The following ZNF707 variants were observed in gnomAD, a reference collection of about 807,000 sequenced individuals.
ZNF707 encodes the protein zinc finger protein 707.
In ZNF707, 8 loss-of-function variants were observed where a neutral mutation model predicts 13.3. The ratio of observed to expected loss-of-function variants is 0.60; its 90% confidence interval spans 0.35 to 1.09. The LOEUF (loss-of-function observed/expected upper bound fraction) is 1.09, where lower values mean the gene tolerates loss of function less well. ZNF707 is among the 50% of genes least tolerant of loss of function. The pLI, the probability that ZNF707 is intolerant of heterozygous loss-of-function variation, is 0.02. For synonymous variants in ZNF707, 225 were observed against 205.6 expected, an observed-to-expected ratio of 1.09 and a Z score of -0.81; for missense variants, 530 against 512.6, an observed-to-expected ratio of 1.03 and a Z score of -0.33.
chr8:143,690,274 A>G, intron 3 of ZNF707, 151 bp downstream of exon 3: 1 of 1,027,352 alleles, frequency 9.7e-7, no homozygotes, highest in Non-Finnish European at 1.4e-6. Flanking sequence ...GGGTGGGGAA[A>G]GAAAAAGAAA....
At chr8:143,692,904 G>C (rs1186251826) in intron 5 of ZNF707, among the ~76,000 whole-genome samples, 1 of 151,852 alleles carries the variant, frequency 6.6e-6, no homozygotes, top group Non-Finnish European at 1.5e-5. Context: ...TGGAGCCCCC[G>C]GCTGAAGGGA....
rs1431063855 is a variant in ZNF707 at position 143,693,116 on chromosome 8, G to A, written c.257-555G>A. On this transcript the variant is annotated intron_variant, in intron 5 of 5. Transcript: ENST00000358656. The surrounding 1 kb of genome is among the most constrained non-coding windows in gnomAD (Gnocchi z 4.1). ...ACGTCAGCAGTGCCGGGTGGCCTGCGTACCACCGGGGCTGGGGAAGCATCT... is the reference window on the plus strand; with the variant it reads ...ACGTCAGCAGTGCCGGGTGGCCTGCATACCACCGGGGCTGGGGAAGCATCT... Among the ~76,000 whole-genome samples the A allele has an allele frequency of 2.6e-5, 4 of 152,114 alleles. No individual in the cohort carries two copies. Among genetic ancestry groups the A allele is most frequent in the South Asian group, 2.1e-4 (1 of 4,824 alleles).
intron 3 of ZNF707, chr8:143,690,784 T>C: frequency 2.1e-6 from 1 of 465,846 alleles, no homozygotes; most frequent in Non-Finnish European, 3.8e-6. Context: ...TTGTGCTGTG[T>C]TCACGCGTGT....
intron 3 of ZNF707, chr8:143,690,511 C>G (rs1816707804): frequency 4.4e-6 from 1 of 229,228 alleles, no homozygotes; most frequent in Non-Finnish European, 8.5e-6. Context: ...TGCAGTGAGC[C>G]AAGATCGTGC....
At chr8:143,689,460 T>C (rs4875038) in intron 2 of ZNF707, among the ~76,000 whole-genome samples, 159 bp downstream of exon 2, 145,918 of 152,238 alleles carry the variant, frequency 0.96, 70,207 homozygotes, top group East Asian at 1. Flanking sequence ...GGTGGTTCTC[T>C]ACAGACCTGG....
rs1816772106 is a variant in ZNF707, at chr8:143,691,155, A to G, written c.98A>G (p.Tyr33Cys). The G allele has an allele frequency of 6.2e-7, 1 of 1,613,730 alleles. No homozygotes were observed. The highest frequency in any genetic ancestry group is 8.5e-7 in the Non-Finnish European group (1 of 1,179,768). ...ACLEPSQRAL[Y>C]RDVMLDNFSS... ...CTGGAACCCAGCCAGAGGGCCCTCT[A>G]CCGGGACGTGATGCTGGACAACTTC... is the stretch of plus-strand genomic sequence containing the variant. Residue 33 changes from tyrosine (Y) to cysteine (C), a missense_variant, in exon 4 of 6, where the codon TAC (tyrosine) becomes TGC (cysteine). By Grantham distance (194) the Tyr-to-Cys change is radical. Coordinates refer to ENST00000358656, the MANE Select transcript of ZNF707 (RefSeq NM_001100598.2).
intron 1 of ZNF707, chr8:143,684,969 C>T (rs1214000631): frequency 6.6e-6 from 1 of 152,328 alleles, no homozygotes; most frequent in African/African-American, 2.4e-5. Context: ...ACACCCCACC[C>T]TCTGGTCCTC....
rs782101534 is a variant in ZNF707, at chr8:143,694,447, G to A, written c.1033G>A (p.Glu345Lys). The change falls in exon 6 of 6, where the codon GAG becomes AAG. Residue 345 changes from glutamate (E) to lysine (K), a missense_variant. Coordinates refer to ENST00000358656, the MANE Select transcript of ZNF707 (RefSeq NM_001100598.2). This position sits in a 1 kb window ranked among gnomAD's most constrained non-coding sequence, Gnocchi z 4.4. Reference protein sequence around the residue: ...RRLHLTKRFYECGHCGKGFRH... With the variant: ...RRLHLTKRFYKCGHCGKGFRH... The stretch of plus-strand genomic sequence containing the variant: ...GCTGCACCTGACGAAGAGGTTCTAC[G>A]AGTGCGGCCACTGTGGGAAAGGCTT... 17 of 1,612,146 alleles carry A rather than the reference G, an allele frequency of 1.1e-5. No homozygotes were observed. In the South Asian group the frequency reaches 1.3e-4, roughly 13 times the overall value.
chr8:143,684,682 C>T (rs1481310992), intron 1 of ZNF707, 140 bp downstream of exon 1: 4 of 152,412 alleles, frequency 2.6e-5, no homozygotes, highest in Non-Finnish European at 5.9e-5. Flanking sequence ...CCCGTGCCCT[C>T]GGCTATTCGG....
Position 143,694,315 on chromosome 8 carries a change from G to A in ZNF707, c.901G>A (p.Glu301Lys), listed in dbSNP as rs782099056. The A allele has an allele frequency of 6.2e-7, 1 of 1,602,404 alleles. No individual in the cohort carries two copies. Among genetic ancestry groups the A allele is most frequent in the South Asian group, 1.1e-5 (1 of 90,462 alleles). Residue 301 changes from glutamate (E) to lysine (K), a missense_variant, in exon 6 of 6, where the codon GAG (glutamate) becomes AAG (lysine). By Grantham distance (56) the Glu-to-Lys change is moderately conservative (BLOSUM62 1). Transcript: ENST00000358656. This position sits in a 1 kb window ranked among gnomAD's most constrained non-coding sequence, Gnocchi z 4.4. ...ADCGKAFRTKENLSHHQRVHS... is the reference protein window; with the variant it reads ...ADCGKAFRTKKNLSHHQRVHS... ...CTGCGGCAAAGCCTTCCGGACCAAG[G>A]AGAACCTCAGCCACCACCAGAGGGT... is the stretch of plus-strand genomic sequence containing the variant.
At chr8:143,692,353 GAGTGT>G (rs1816894033) in intron 5 of ZNF707, 1 of 1,279,212 alleles carries the variant, frequency 7.8e-7, no homozygotes, top group African/African-American at 1.7e-5. Context: ...CCCGACTGTG[GAGTGT>G]CAGGTCCCTG....
In ZNF707 at chr8:143,693,207, T is replaced by C. The variant is rs1286328766; in HGVS notation, c.257-464T>C. Among the ~76,000 whole-genome samples the C allele has an allele frequency of 6.6e-6, 1 of 152,118 alleles. No homozygotes were observed. The highest frequency in any genetic ancestry group is 2.4e-5 in the African/African-American group (1 of 41,416). ...CTGTGTTTCTTTGAACGAGTTTTCC[T>C]GATCACTCGTAACCATGTGGAATGA... On this transcript the variant is annotated intron_variant, in intron 5 of 5. Coordinates refer to ENST00000358656, the MANE Select transcript of ZNF707 (RefSeq NM_001100598.2). The surrounding 1 kb of genome is among the most constrained non-coding windows in gnomAD (Gnocchi z 4.1).
chr8:143,688,562 C>T (rs1034164544), intron 1 of ZNF707: 1 of 150,332 alleles, frequency 6.7e-6, no homozygotes, highest in Non-Finnish European at 1.5e-5. Flanking sequence ...TTATAAACTG[C>T]TGGATTTGGC....
intron 4 of ZNF707, 57 bp downstream of exon 4, chr8:143,691,256 G>C (rs546402431): frequency 6.4e-7 from 1 of 1,553,290 alleles, no homozygotes; most frequent in Middle Eastern, 1.9e-4. Context: ...GAGCTCTGCC[G>C]CTGCCTCTGG....
rs782629388 is a variant in ZNF707 at position 143,690,138 on chromosome 8, T to C, written c.15+15T>C. On this transcript the variant is annotated intron_variant, in intron 3 of 5. Coordinates refer to ENST00000358656, the MANE Select transcript of ZNF707 (RefSeq NM_001100598.2). ...ACATGGCCCAGGTGAGCCCTGCTGCTGCCGAGCGCAGCCTCCCTTCTGCCC... is the reference window on the plus strand; with the variant it reads ...ACATGGCCCAGGTGAGCCCTGCTGCCGCCGAGCGCAGCCTCCCTTCTGCCC... 61 of 1,604,710 alleles carry C rather than the reference T, an allele frequency of 3.8e-5. No homozygotes were observed. Among genetic ancestry groups the C allele is most frequent in the Admixed American group, 6.7e-5 (4 of 59,990 alleles).
intron 5 of ZNF707, chr8:143,692,062 A>G (rs1554613818): frequency 7.2e-7 from 1 of 1,379,768 alleles, no homozygotes; most frequent in Admixed American, 2.2e-5. Flanking sequence ...TGTGATGGCC[A>G]TGTGGGGTCC....
chr8:143,687,131 A>G (rs1816362600), intron 1 of ZNF707: 1 of 151,984 alleles, frequency 6.6e-6, no homozygotes, highest in Non-Finnish European at 1.5e-5. Flanking sequence ...TCGGCCTCCC[A>G]AAGTGCTGGG....
intron 2 of ZNF707, among the ~76,000 whole-genome samples, 153 bp from the exon 3 acceptor site, chr8:143,689,904 G>A (rs550368038): frequency 6.6e-6 from 1 of 152,266 alleles, no homozygotes; most frequent in South Asian, 2.1e-4. Context: ...CCCCACACCT[G>A]GTGGCTGTCA....
chr8:143,690,649 G>C (rs547557614), intron 3 of ZNF707, among the ~76,000 whole-genome samples: 99 of 152,302 alleles, frequency 6.5e-4, no homozygotes, highest in African/African-American at 2.3e-3. Flanking sequence ...GATTCTCTTA[G>C]TCCACTAGAG....
Sources: gnomAD v4.1 joint callset for allele counts (sites outside exome capture counted in the v4.1 genomes callset) on GRCh38, gnomAD v4.1.1 for gene constraint, Gnocchi (gnomAD v3.1) non-coding constraint, MANE v1.5 for transcripts, NCBI Gene and HGNC (gene_info 2026-07-23, HGNC 2026-07-21) for gene names.